USH2A: variants seen among roughly 807,000 people sequenced by gnomAD.
USH2A encodes the protein usherin.
USH2A carries 443 observed loss-of-function variants against 538.9 expected under a neutral mutation model. The ratio of observed to expected loss-of-function variants is 0.82; its 90% CI spans 0.76 to 0.89. The LOEUF (loss-of-function observed/expected upper bound fraction) is 0.89. Ranked by LOEUF, USH2A falls within the 40% of genes least tolerant of loss-of-function variation. The pLI is 0.00. For synonymous variants in USH2A, 2,413 were observed against 2,273.5 expected (o/e 1.06, Z -1.75); for missense variants, 6,633 against 6,324.8 (o/e 1.05, Z -1.65).
intron 64 of USH2A, among the ~76,000 whole-genome samples, chr1:215,665,950 G>T (rs1159976400): frequency 6.6e-6 from 1 of 152,224 alleles, no homozygotes; most frequent in Non-Finnish European, 1.5e-5. Flanking sequence ...AAACTAAGTT[G>T]CATTTGAAAT....
chr1:216,179,002 C>T (rs1471196123), intron 20 of USH2A, among the ~76,000 whole-genome samples: 1 of 151,982 alleles, frequency 6.6e-6, no homozygotes, highest in Non-Finnish European at 1.5e-5. Flanking sequence ...TATGAATATG[C>T]CTCCTATGCT....
chr1:216,307,238 C>T (rs750105184), intron 9 of USH2A, among the ~76,000 whole-genome samples: 4 of 152,054 alleles, frequency 2.6e-5, no homozygotes, highest in Non-Finnish European at 4.4e-5. Flanking sequence ...GCAGGCCTTG[C>T]TGAAGCTGCT....
At chr1:215,945,020 T>A (rs1467328008) in intron 37 of USH2A, among the ~76,000 whole-genome samples, 1 of 152,126 alleles carries the variant, frequency 6.6e-6, no homozygotes, top group African/African-American at 2.4e-5. Flanking sequence ...AATAATGAAT[T>A]ACGGAAAGGT....
chr1:215,941,591 A>C (rs1666635436), intron 37 of USH2A, among the ~76,000 whole-genome samples: 1 of 152,162 alleles, frequency 6.6e-6, no homozygotes. Context: ...ACATGAATAC[A>C]ACTATTTTAT....
At chr1:215,975,886 TG>T in intron 35 of USH2A, among the ~76,000 whole-genome samples, 1 of 152,340 alleles carries the variant, frequency 6.6e-6, no homozygotes, top group East Asian at 1.9e-4. Flanking sequence ...GAAATAGCAT[TG>T]AATCTGTAAA....
Position 216,088,410 on chromosome 1 carries a change from A to G in USH2A, c.4885+603T>C, listed in dbSNP as rs1316818317. Among the ~76,000 whole-genome samples, 5 of 152,284 alleles carry G rather than the reference A, an allele frequency of 3.3e-5. No homozygotes were observed. The South Asian group carries it at 8.3e-4, about 25-fold the overall frequency. On this transcript the variant is annotated intron_variant, in intron 23 of 71. Transcript: ENST00000307340. Reference sequence around the variant, plus strand: ...AGTATTCTCTTTGCTCCTTGTATCCAGAGCACCTAGAACAATACCTGGAAC... The same window carrying G: ...AGTATTCTCTTTGCTCCTTGTATCCGGAGCACCTAGAACAATACCTGGAAC...
At chr1:216,391,636 A>G (rs1197776300) in intron 3 of USH2A, among the ~76,000 whole-genome samples, 2 of 152,178 alleles carry the variant, frequency 1.3e-5, no homozygotes, top group Non-Finnish European at 2.9e-5. Flanking sequence ...GGCATGCATG[A>G]AAAAAATCCA....
intron 41 of USH2A, among the ~76,000 whole-genome samples, chr1:215,884,097 T>A (rs1191826191): frequency 6.6e-6 from 1 of 151,942 alleles, no homozygotes; most frequent in Admixed American, 6.6e-5. Context: ...AGGGAGAGCA[T>A]TAGGACAAAT....
chr1:216,197,524 C>T lies in USH2A; in HGVS notation c.4081+791G>A, dbSNP rs190983899. On this transcript the variant is annotated intron_variant, in intron 18 of 71. Coordinates refer to ENST00000307340, the MANE Select transcript of USH2A (RefSeq NM_206933.4). ...TGGCTGGTAGTCATTAAGAGATGCT[C>T]AAGCACAATGCGTATTTTATTCATG... Among the ~76,000 whole-genome samples the T allele has an allele frequency of 1.9e-3, 294 of 152,262 alleles. 1 individual carries two copies. Among genetic ancestry groups the T allele is most frequent in the Middle Eastern group, 6.8e-3 (2 of 294 alleles).
chr1:216,151,613 C>T (rs1476941447), intron 21 of USH2A, among the ~76,000 whole-genome samples: 1 of 152,182 alleles, frequency 6.6e-6, no homozygotes, highest in Non-Finnish European at 1.5e-5. Context: ...CAAACTTTAT[C>T]AGTCCTCCAG....
chr1:215,646,259 C>A (rs926641365), intron 67 of USH2A, among the ~76,000 whole-genome samples: 1 of 152,036 alleles, frequency 6.6e-6, no homozygotes, highest in African/African-American at 2.4e-5. Context: ...TGATGCTGTA[C>A]TGTTACTGTC....
chr1:216,009,195 C>T (rs545501926), intron 32 of USH2A, among the ~76,000 whole-genome samples: 7 of 152,116 alleles, frequency 4.6e-5, no homozygotes, highest in East Asian at 3.9e-4. Context: ...GGTAAGAACC[C>T]CTGAACCCCT....
intron 38 of USH2A, among the ~76,000 whole-genome samples, chr1:215,934,302 A>T (rs1268332056): frequency 6.6e-6 from 1 of 151,994 alleles, no homozygotes; most frequent in Non-Finnish European, 1.5e-5. Context: ...CTTGAACAAA[A>T]TCATTTCCCA....
chr1:215,880,694 A>G (rs893964808), intron 41 of USH2A, among the ~76,000 whole-genome samples: 5 of 152,190 alleles, frequency 3.3e-5, no homozygotes, highest in African/African-American at 1.2e-4. Context: ...CAGAAATGAA[A>G]AAAAGAAGAG....
Position 216,323,495 on chromosome 1 carries a change from T to C in USH2A, c.1529A>G (p.Asp510Gly). 1.9e-6 allele frequency: 3 copies of C among 1,613,456 alleles called. No individual in the cohort carries two copies. Among genetic ancestry groups the C allele is most frequent in the Non-Finnish European group, 2.5e-6 (3 of 1,179,672 alleles). The change falls in exon 8 of 72, where the codon GAC (aspartate) becomes GGC (glycine). Residue 510 changes from aspartate to glycine, a missense_variant. Transcript: ENST00000307340. Reference protein sequence around the residue: ...VNLRHRYYAVDEITISGRCQC... With the variant: ...VNLRHRYYAVGEITISGRCQC... Reference sequence around the variant, plus strand: ...ATACCTCCCACTAATGGTGATTTCGTCCACTGCATAATATCTGTGTCTGAG... The same window carrying C: ...ATACCTCCCACTAATGGTGATTTCGCCCACTGCATAATATCTGTGTCTGAG...
chr1:215,840,061 G>C (rs1275212505), intron 46 of USH2A, among the ~76,000 whole-genome samples: 2 of 150,218 alleles, frequency 1.3e-5, no homozygotes, highest in African/African-American at 4.9e-5. Flanking sequence ...TACTTGGGAG[G>C]CTGAGGCACG....
intron 13 of USH2A, among the ~76,000 whole-genome samples, chr1:216,243,974 TGAA>T (rs1159993911): frequency 2.6e-5 from 4 of 152,170 alleles, no homozygotes; most frequent in Non-Finnish European, 5.9e-5. Context: ...AAATTGAACA[TGAA>T]GACAATAGAA....
intron 27 of USH2A, among the ~76,000 whole-genome samples, chr1:216,076,679 C>T (rs971977492): frequency 6.6e-6 from 1 of 152,094 alleles, no homozygotes; most frequent in African/African-American, 2.4e-5. Context: ...TTGAAAATGT[C>T]ATTACTGTCT....
chr1:216,110,137 T>C (rs1414072241), intron 21 of USH2A, among the ~76,000 whole-genome samples: 2 of 152,126 alleles, frequency 1.3e-5, no homozygotes, highest in Non-Finnish European at 2.9e-5. Context: ...TCCACGGGTT[T>C]AGAAAAGTCA....
Sources: allele counts gnomAD v4.1 joint callset (sites outside exome capture counted in the v4.1 genomes callset), GRCh38; gene constraint gnomAD v4.1.1; transcripts MANE v1.5; gene names NCBI Gene and HGNC (gene_info 2026-07-23, HGNC 2026-07-21).